The following RHBDF1 variants were observed in gnomAD, a reference collection of about 807,000 sequenced individuals.
RHBDF1 encodes inactive rhomboid protein 1.
A neutral mutation model predicts 98.6 loss-of-function variants in RHBDF1; 80 were observed. That is an observed-to-expected ratio of 0.81 (90% CI 0.68 to 0.98). The LOEUF (loss-of-function observed/expected upper bound fraction) is 0.98, where lower values mean the gene tolerates loss of function less well. Ranked by LOEUF, RHBDF1 falls within the 50% of genes least tolerant of loss-of-function variation. The pLI, the probability that RHBDF1 is intolerant of heterozygous loss-of-function variation, is 0.00. For synonymous variants in RHBDF1, 512 were observed against 486.8 expected, an observed-to-expected ratio of 1.05 and a Z score of -0.68; for missense variants, 1,116 against 1,198.3, an observed-to-expected ratio of 0.93 and a Z score of 1.01.
At chr16:63,510 A>C in intron 4 of RHBDF1, 77 bp downstream of exon 4, 1 of 1,265,536 alleles carries the variant, frequency 7.9e-7, no homozygotes, top group Non-Finnish European at 1.1e-6. Flanking sequence ...CCTTCTGCTC[A>C]GGCTGGCTGT....
intron 8 of RHBDF1, 24 bp from the exon 9 acceptor site, chr16:61,720 GGCCTCATCCCCGACCCGGA>G: frequency 6.2e-7 from 1 of 1,612,702 alleles, no homozygotes; most frequent in South Asian, 1.1e-5. Flanking sequence ...CGTCAGCGGG[GGCCTCATCCCCGACCCGGA>G]GCCCCCACCC....
chr16:59,827 C>A lies in RHBDF1; in HGVS notation c.1723-1G>T. The A allele has an allele frequency of 6.2e-7, 1 of 1,614,096 alleles. No individual in the cohort carries two copies. Among genetic ancestry groups the A allele is most frequent in the Non-Finnish European group, 8.5e-7 (1 of 1,180,008 alleles). On this transcript the variant is annotated splice_acceptor_variant, in intron 13 of 17. Coordinates refer to ENST00000262316, the MANE Select transcript of RHBDF1 (RefSeq NM_022450.5). LOFTEE classifies it high-confidence loss of function. The stretch of plus-strand genomic sequence containing the variant: ...TCCCAGCGCTGTTTTTGGTGCAGAT[C>A]TGGGTCACAAATGAGGACGAGCTGA...
intron 3 of RHBDF1, chr16:64,252 A>G: frequency 2.3e-6 from 3 of 1,332,626 alleles, no homozygotes; most frequent in Middle Eastern, 4.1e-4. Context: ...GGGAATGCCA[A>G]CCACACTGGC....
chr16:72,167 C>T (rs569241426), intron 1 of RHBDF1, among the ~76,000 whole-genome samples: 31 of 152,362 alleles, frequency 2.0e-4, no homozygotes, highest in Middle Eastern at 3.4e-3. Flanking sequence ...GACTCCCGCT[C>T]CTGGGACCCT....
chr16:59,616 TA>T, intron 14 of RHBDF1, 115 bp downstream of exon 14: 1 of 1,484,182 alleles, frequency 6.7e-7, no homozygotes, highest in Non-Finnish European at 9.2e-7. Flanking sequence ...AGACCCCCTC[TA>T]ACCCCACATC....
chr16:70,343 C>G (rs923993859), intron 1 of RHBDF1, among the ~76,000 whole-genome samples: 4 of 152,208 alleles, frequency 2.6e-5, no homozygotes, highest in Admixed American at 2.6e-4. Context: ...CCCCTGCACA[C>G]GTCTGGCCAG....
rs555514787 is a variant in RHBDF1 at position 68,907 on chromosome 16, A to T, written c.-25+3606T>A. On this transcript the variant is annotated intron_variant, in intron 1 of 17. Coordinates refer to ENST00000262316, the MANE Select transcript of RHBDF1 (RefSeq NM_022450.5). Reference sequence around the variant, plus strand: ...AAGCAGGAGCCGATGCAGGGAGGCCACTGGGGACAGCCCAGGCTGATGCTT... The same window carrying T: ...AAGCAGGAGCCGATGCAGGGAGGCCTCTGGGGACAGCCCAGGCTGATGCTT... Among the ~76,000 whole-genome samples the T allele has an allele frequency of 2.0e-5, 3 of 152,306 alleles. No homozygotes were observed. The South Asian group carries it at 6.2e-4, about 32-fold the overall frequency.
intron 1 of RHBDF1, among the ~76,000 whole-genome samples, chr16:69,996 C>T (rs1238296880): frequency 8.4e-6 from 1 of 119,492 alleles, no homozygotes; most frequent in Admixed American, 9.9e-5. Context: ...CACAAAGGGG[C>T]CAGCACTTGG....
In RHBDF1 at chr16:62,804, C is replaced by A. The variant is rs774143200; in HGVS notation, c.766G>T (p.Asp256Tyr). 1.9e-6 allele frequency: 3 copies of A among 1,614,026 alleles called. No individual in the cohort carries two copies. The highest frequency in any genetic ancestry group is 2.5e-6 in the Non-Finnish European group (3 of 1,180,022). ...GCAAAGAAGGATGTGTCCAGCTCAT[C>A]GGGGAAATCAGTTGTGTCCTCCTCC... is the stretch of plus-strand genomic sequence containing the variant. ...FLEEDTTDFP[D>Y]ELDTSFFARE... Residue 256 changes from aspartate (D) to tyrosine (Y), a missense_variant, in exon 6 of 18, where the codon GAT (aspartate) becomes TAT (tyrosine). Asp to Tyr is a radical substitution (Grantham distance 160, BLOSUM62 -3). Coordinates refer to ENST00000262316, the MANE Select transcript of RHBDF1 (RefSeq NM_022450.5).
chr16:62,841 T>C lies in RHBDF1; in HGVS notation c.729A>G (p.Pro243=). 1 of 1,613,992 alleles carries C rather than the reference T, an allele frequency of 6.2e-7. No homozygotes were observed. The highest frequency in any genetic ancestry group is 2.2e-5 in the East Asian group (1 of 44,882). The change falls in exon 6 of 18, where the codon CCA becomes CCG. Residue 243 remains proline, a synonymous_variant. Coordinates refer to ENST00000262316, the MANE Select transcript of RHBDF1 (RefSeq NM_022450.5). ...FRRAQRRSFT[P]ASFLEEDTTD... ...TTGTGTCCTCCTCCAGAAAGCTAGC[T>C]GGAGTGAAGCTTCGACGCTGTGCCC... is the stretch of plus-strand genomic sequence containing the variant.
chr16:67,325 G>A (rs1897856317), intron 1 of RHBDF1, among the ~76,000 whole-genome samples: 1 of 152,198 alleles, frequency 6.6e-6, no homozygotes. Flanking sequence ...AGAGGAGCAG[G>A]GCCCAGCGTA....
chr16:67,197 T>C (rs1323228321), intron 1 of RHBDF1, among the ~76,000 whole-genome samples: 1 of 152,210 alleles, frequency 6.6e-6, no homozygotes. Context: ...AGGCAGGTGG[T>C]GCTCGGCAAG....
intron 16 of RHBDF1, 37 bp downstream of exon 16, chr16:59,203 TCCTGAGGGC>T: frequency 6.3e-7 from 1 of 1,594,034 alleles, no homozygotes; most frequent in Non-Finnish European, 8.6e-7. Flanking sequence ...AGCCAGCCAA[TCCTGAGGGC>T]CCTGAGACCC....
At chr16:60,953 T>C (rs1596466397) in intron 11 of RHBDF1, 167 bp downstream of exon 11, 1 of 685,558 alleles carries the variant, frequency 1.5e-6, no homozygotes, top group African/African-American at 1.8e-5. Flanking sequence ...GAGCTGGAGA[T>C]GGGGGAGGGT....
chr16:58,904 C>G, intron 17 of RHBDF1, 70 bp downstream of exon 17: 5 of 1,583,068 alleles, frequency 3.2e-6, no homozygotes, highest in Non-Finnish European at 4.3e-6. Flanking sequence ...ACTCAGTGCT[C>G]GATATGGACA....
intron 3 of RHBDF1, chr16:64,146 G>A: frequency 1.2e-6 from 1 of 804,180 alleles, no homozygotes; most frequent in Non-Finnish European, 1.9e-6. Context: ...ACACCACAGA[G>A]CTCAGACAGC....
rs768224085 is a variant in RHBDF1 at position 63,580 on chromosome 16, G to C, written c.462+7C>G. The C allele has an allele frequency of 6.5e-7, 1 of 1,541,534 alleles. No homozygotes were observed. ...GGCCTGCAGGAGGCAGCAACAGGCA[G>C]GCATACCTTCTGCATGCCCAGCTGG... On this transcript the variant is annotated splice_region_variant and intron_variant, in intron 4 of 17. Coordinates refer to ENST00000262316, the MANE Select transcript of RHBDF1 (RefSeq NM_022450.5).
At chr16:72,778 TC>T, upstream of RHBDF1, 4 of 785,662 alleles carry the variant, frequency 5.1e-6, no homozygotes, top group Non-Finnish European at 6.1e-6. Flanking sequence ...CTCCCCAGGG[TC>T]CGCCTGCGGG....
intron 3 of RHBDF1, chr16:64,472 CAG>C (rs751108616): frequency 1.9e-5 from 29 of 1,512,572 alleles, no homozygotes; most frequent in African/African-American, 8.3e-5. Flanking sequence ...GCGGTGGAGA[CAG>C]AGAAGGAGAG....
Sources: gnomAD v4.1 joint callset for allele counts (sites outside exome capture counted in the v4.1 genomes callset) on GRCh38, gnomAD v4.1.1 for gene constraint, MANE v1.5 for transcripts, NCBI Gene and HGNC (gene_info 2026-07-23, HGNC 2026-07-21) for gene names.